MTA3: variants seen among roughly 807,000 people sequenced by gnomAD.
MTA3 encodes metastasis-associated protein MTA3.
In MTA3, 34 loss-of-function variants were observed where a neutral mutation model predicts 83.5. That is an observed-to-expected ratio of 0.41 (90% CI 0.31 to 0.54). The LOEUF is 0.54. MTA3 is among the 20% of genes least tolerant of loss of function. The pLI, the probability that MTA3 is intolerant of heterozygous loss-of-function variation, is 0.33. For synonymous variants in MTA3, 303 were observed against 252.7 expected (o/e 1.20, Z -1.89); for missense variants, 761 against 726.4 (o/e 1.05, Z -0.55).
chr2:42,558,170 T>C (rs1394323204), intron 2 of MTA3, among the ~76,000 whole-genome samples: 1 of 151,960 alleles, frequency 6.6e-6, no homozygotes, highest in East Asian at 1.9e-4. Context: ...TCTCTCTTTA[T>C]GGCTCTCCTC....
At chr2:42,655,698 G>T (rs1689104674) in intron 6 of MTA3, among the ~76,000 whole-genome samples, 2 of 152,272 alleles carry the variant, frequency 1.3e-5, no homozygotes, top group South Asian at 4.1e-4. Context: ...TACCTTCCGG[G>T]TTCAAGCGAT....
chr2:42,696,244 A>G (rs1400946918), intron 10 of MTA3, among the ~76,000 whole-genome samples: 2 of 152,114 alleles, frequency 1.3e-5, no homozygotes, highest in East Asian at 3.9e-4. Context: ...ATCTTCTGAA[A>G]CCTCTTTACA....
intron 2 of MTA3, among the ~76,000 whole-genome samples, chr2:42,534,652 T>A (rs1210277797): frequency 2.0e-5 from 3 of 152,126 alleles, no homozygotes; most frequent in Non-Finnish European, 2.9e-5. Context: ...AAAATAACAC[T>A]GGCATAAACA....
chr2:42,605,638 G>C (rs1423707188), intron 3 of MTA3, among the ~76,000 whole-genome samples: 1 of 89,028 alleles, frequency 1.1e-5, no homozygotes. Flanking sequence ...CCTCCCTCCC[G>C]GACGGGGCGG....
chr2:42,676,871 AT>A (rs1354657662), intron 8 of MTA3, among the ~76,000 whole-genome samples: 7 of 152,226 alleles, frequency 4.6e-5, no homozygotes, highest in Non-Finnish European at 1.5e-5. Flanking sequence ...GGTTTAAAAA[AT>A]AATTGTTTAT....
intron 15 of MTA3, 82 bp downstream of exon 15, chr2:42,719,156 C>T: frequency 9.8e-7 from 1 of 1,015,524 alleles, no homozygotes; most frequent in Non-Finnish European, 1.5e-6. Context: ...ATGGACATAC[C>T]TAAACTAATT....
intron 2 of MTA3, among the ~76,000 whole-genome samples, chr2:42,548,475 G>T (rs563714706): frequency 6.6e-6 from 1 of 151,094 alleles, no homozygotes; most frequent in Non-Finnish European, 1.5e-5. Flanking sequence ...CAAAATATAC[G>T]TATATACATA....
chr2:42,729,111 T>TC (rs1668059875), intron 16 of MTA3, among the ~76,000 whole-genome samples: 1 of 141,048 alleles, frequency 7.1e-6, no homozygotes, highest in Non-Finnish European at 1.5e-5. Context: ...TTTTTTTTTT[T>TC]TTCACAGAGT....
chr2:42,723,041 T>A lies in MTA3; in HGVS notation c.1759+6T>A. 6.4e-7 allele frequency: 1 copy of A among 1,550,394 alleles called. No homozygotes were observed. Among genetic ancestry groups the A allele is most frequent in the Non-Finnish European group, 8.7e-7 (1 of 1,146,780 alleles). ...TCATCACAATGGTCTGGATGGTATGTAAGCCCAGGAATTCTGGAGGCTGTT... is the reference window on the plus strand; with the variant it reads ...TCATCACAATGGTCTGGATGGTATGAAAGCCCAGGAATTCTGGAGGCTGTT... On this transcript the variant is annotated splice_donor_region_variant and intron_variant, in intron 16 of 16. Coordinates refer to ENST00000405094, the MANE Select transcript of MTA3 (RefSeq NM_001330442.2).
chr2:42,700,764 A>C (rs58431866), intron 11 of MTA3, among the ~76,000 whole-genome samples: 1,945 of 152,324 alleles, frequency 0.013, 40 homozygotes, highest in African/African-American at 0.044. Context: ...GTATAGTGTC[A>C]GCTGAAAACC....
chr2:42,544,702 C>A (rs1676680365), intron 2 of MTA3, among the ~76,000 whole-genome samples: 1 of 151,570 alleles, frequency 6.6e-6, no homozygotes, highest in Non-Finnish European at 1.5e-5. Flanking sequence ...TTAAAAAAAA[C>A]AGTGATATTC....
At chr2:42,600,693 A>G (rs1682454471) in intron 3 of MTA3, among the ~76,000 whole-genome samples, 1 of 151,622 alleles carries the variant, frequency 6.6e-6, no homozygotes, top group Admixed American at 6.6e-5. Context: ...GGGATGCGCC[A>G]CCACACCTGG....
At chr2:42,688,103 A>G (rs1187513883) in intron 9 of MTA3, among the ~76,000 whole-genome samples, 2 of 152,198 alleles carry the variant, frequency 1.3e-5, no homozygotes, top group East Asian at 3.8e-4. Flanking sequence ...ATTCAGTTAG[A>G]AAAACAGGAC....
chr2:42,546,141 C>A (rs1191793004), intron 2 of MTA3, among the ~76,000 whole-genome samples: 4 of 152,090 alleles, frequency 2.6e-5, no homozygotes, highest in Non-Finnish European at 5.9e-5. Context: ...TAATAAGAAA[C>A]CATTAACTTC....
intron 3 of MTA3, among the ~76,000 whole-genome samples, chr2:42,585,285 T>C (rs889082228): frequency 6.6e-6 from 1 of 151,700 alleles, no homozygotes; most frequent in Admixed American, 6.6e-5. Flanking sequence ...ACGGGGTTTC[T>C]CCATGTTGGT....
At chr2:42,679,807 C>G (rs1691705743) in intron 8 of MTA3, among the ~76,000 whole-genome samples, 1 of 151,032 alleles carries the variant, frequency 6.6e-6, no homozygotes, top group South Asian at 2.1e-4. Context: ...AACAGAATAT[C>G]TTTTAAGGTA....
chr2:42,625,418 T>G (rs1286636680), intron 4 of MTA3, among the ~76,000 whole-genome samples: 1 of 151,698 alleles, frequency 6.6e-6, no homozygotes, highest in Non-Finnish European at 1.5e-5. Context: ...CTAGCACGTC[T>G]AGTGATATTT....
Position 42,553,898 on chromosome 2 carries a change from C to T in MTA3, c.-140-16539C>T, listed in dbSNP as rs1314437221. ...AAAAAAAAAAAAAAAGAAAAAAAAA[C>T]GAAAGAAAGAAAGAAGGAAGAAGAA... On this transcript the variant is annotated intron_variant, in intron 2 of 17. Coordinates refer to the MTA3 transcript ENST00000405592. 6.2e-5 allele frequency among the ~76,000 whole-genome samples: 6 copies of T among 96,798 alleles called. No homozygotes were observed. The South Asian group carries it at 2.1e-3, about 33-fold the overall frequency. 63.5% of individuals were successfully genotyped at this position (96,798 alleles called of 152,430 possible). A position where few individuals can be genotyped will look rare whatever the true frequency, so the allele number is the denominator to read the frequency against.
In MTA3 at chr2:42,724,275, AAAACACACACACACACACACACAC is replaced by A. The variant is rs1303878720; in HGVS notation, c.1759+1242_1759+1265del. 9.7e-5 allele frequency among the ~76,000 whole-genome samples: 8 copies of A among 82,238 alleles called. No homozygotes were observed. In the East Asian group the frequency reaches 1.6e-3, roughly 16 times the overall value. The allele number at this position is 82,238 out of a possible 152,430, so 54.0% of individuals were successfully genotyped here. ...GTAGAAGGTATAAAGTAAGTCCTGAAAAACACACACACACACACACACACACACACACACACACACACACACACA... is the reference window on the plus strand; with the variant it reads ...GTAGAAGGTATAAAGTAAGTCCTGAAACACACACACACACACACACACACA... On this transcript the variant is annotated intron_variant, in intron 16 of 16. Transcript: ENST00000405094.
Sources: gnomAD v4.1 joint callset for allele counts (sites outside exome capture counted in the v4.1 genomes callset) on GRCh38, gnomAD v4.1.1 for gene constraint, MANE v1.5 for transcripts, NCBI Gene and HGNC (gene_info 2026-07-23, HGNC 2026-07-21) for gene names.